The following CNTNAP2 variants were observed in gnomAD, a reference collection of about 807,000 sequenced individuals.
CNTNAP2 encodes contactin associated protein 2.
In CNTNAP2, 98 loss-of-function variants were observed where a neutral mutation model predicts 155.2. The ratio of observed to expected loss-of-function variants is 0.63; its 90% CI spans 0.54 to 0.75. The LOEUF (loss-of-function observed/expected upper bound fraction) is 0.75, where lower values mean the gene tolerates loss of function less well. CNTNAP2 is among the 30% of genes least tolerant of loss of function. The probability of loss-of-function intolerance (pLI) is 0.00; values close to 1 mark genes in which losing one functional copy is unlikely to be tolerated. For synonymous variants in CNTNAP2, 651 were observed against 631.2 expected (o/e 1.03, Z -0.47); for missense variants, 1,727 against 1,688.1 (o/e 1.02, Z -0.40).
At chr7:148,187,707 T>C (rs1349300717) in intron 18 of CNTNAP2, among the ~76,000 whole-genome samples, 1 of 152,200 alleles carries the variant, frequency 6.6e-6, no homozygotes, top group Non-Finnish European at 1.5e-5. Context: ...CCGCTCAAGC[T>C]ACTGCATTAC....
At chr7:148,068,267 GTTCCACT>G in intron 15 of CNTNAP2, among the ~76,000 whole-genome samples, 1 of 152,190 alleles carries the variant, frequency 6.6e-6, no homozygotes, top group East Asian at 1.9e-4. Flanking sequence ...TCTTTCCCCA[GTTCCACT>G]GGCAGCCCTC....
chr7:146,959,713 C>CAAAAAAAAAA (rs1176908836), intron 3 of CNTNAP2, among the ~76,000 whole-genome samples: 7 of 90,396 alleles, frequency 7.7e-5, no homozygotes, highest in African/African-American at 1.6e-4. Context: ...CAGCGAGTCT[C>CAAAAAAAAAA]AAAAAAAAAA....
intron 13 of CNTNAP2, among the ~76,000 whole-genome samples, chr7:147,653,964 T>G (rs557743344): frequency 2.6e-5 from 4 of 152,320 alleles, no homozygotes; most frequent in Admixed American, 1.3e-4. Flanking sequence ...TTATGAGACG[T>G]TGAAGTATAC....
At chr7:148,236,115 G>T (rs910500423) in intron 20 of CNTNAP2, among the ~76,000 whole-genome samples, 1 of 152,118 alleles carries the variant, frequency 6.6e-6, no homozygotes, top group African/African-American at 2.4e-5. Flanking sequence ...ACCCAAGGTG[G>T]CTTCTGATCA....
intron 1 of CNTNAP2, among the ~76,000 whole-genome samples, chr7:146,286,482 G>A (rs1397299297): frequency 2.6e-5 from 4 of 151,826 alleles, no homozygotes; most frequent in African/African-American, 9.7e-5. Flanking sequence ...TTTTTTTGTT[G>A]TCTTTAGAGC....
intron 1 of CNTNAP2, among the ~76,000 whole-genome samples, chr7:146,132,027 CTTTCTT>C (rs1797721899): frequency 1.3e-5 from 2 of 152,152 alleles, no homozygotes; most frequent in African/African-American, 4.8e-5. Flanking sequence ...GTCAATTAAA[CTTTCTT>C]TGTTTATAAA....
intron 9 of CNTNAP2, among the ~76,000 whole-genome samples, chr7:147,376,564 T>C (rs540782046): frequency 6.6e-6 from 1 of 152,158 alleles, no homozygotes; most frequent in East Asian, 1.9e-4. Context: ...GCCTTTTTCC[T>C]TGTGTTGTCT....
intron 20 of CNTNAP2, among the ~76,000 whole-genome samples, chr7:148,261,673 GC>G (rs1485241781): frequency 6.6e-6 from 1 of 152,294 alleles, no homozygotes; most frequent in East Asian, 1.9e-4. Context: ...AGGTGGGGGA[GC>G]AGGCAATAGC....
intron 3 of CNTNAP2, among the ~76,000 whole-genome samples, chr7:146,974,860 A>G (rs1344311279): frequency 1.3e-5 from 2 of 151,916 alleles, no homozygotes; most frequent in Admixed American, 6.6e-5. Context: ...TTAGCCAGGT[A>G]TGGTAGCAGA....
At chr7:146,555,492 G>A (rs1006176912) in intron 1 of CNTNAP2, among the ~76,000 whole-genome samples, 19 of 84,668 alleles carry the variant, frequency 2.2e-4, no homozygotes, top group African/African-American at 1.0e-3. Flanking sequence ...TGTATCATCT[G>A]TCTGTCTATC....
chr7:147,625,937 G>A (rs1483236396), intron 12 of CNTNAP2, among the ~76,000 whole-genome samples: 1 of 152,192 alleles, frequency 6.6e-6, no homozygotes, highest in Non-Finnish European at 1.5e-5. Flanking sequence ...TCCTGGAGTT[G>A]AAATGGATTT....
At chr7:147,492,861 C>T (rs1347487175) in intron 11 of CNTNAP2, among the ~76,000 whole-genome samples, 1 of 152,120 alleles carries the variant, frequency 6.6e-6, no homozygotes, top group Non-Finnish European at 1.5e-5. Flanking sequence ...ATCTCTCCGC[C>T]CCCGCTCCTC....
At chr7:147,703,185 A>C (rs1796262258) in intron 13 of CNTNAP2, among the ~76,000 whole-genome samples, 1 of 152,146 alleles carries the variant, frequency 6.6e-6, no homozygotes, top group Non-Finnish European at 1.5e-5. Context: ...CATCGAGAGA[A>C]GACGATTTGC....
chr7:147,363,755 CA>C (rs140846444), intron 9 of CNTNAP2, among the ~76,000 whole-genome samples: 2 of 151,986 alleles, frequency 1.3e-5, no homozygotes, highest in African/African-American at 4.8e-5. Flanking sequence ...GGGAAATATA[CA>C]AAAAAAGTAA....
At chr7:147,519,425 C>T (rs1799191961) in intron 11 of CNTNAP2, among the ~76,000 whole-genome samples, 2 of 152,192 alleles carry the variant, frequency 1.3e-5, no homozygotes, top group Admixed American at 1.3e-4. Context: ...ACCTCAAGAT[C>T]CTTAACCTAA....
intron 13 of CNTNAP2, among the ~76,000 whole-genome samples, chr7:147,849,610 T>C (rs1798886397): frequency 6.6e-6 from 1 of 152,208 alleles, no homozygotes; most frequent in Non-Finnish European, 1.5e-5. Context: ...ATTTGTACAG[T>C]AGAAACATGC....
At chr7:146,202,671 A>G (rs1798883795) in intron 1 of CNTNAP2, among the ~76,000 whole-genome samples, 1 of 152,178 alleles carries the variant, frequency 6.6e-6, no homozygotes, top group Admixed American at 6.5e-5. Context: ...TACTAGATAC[A>G]CTGTTATGTA....
At chr7:148,018,257 G>A (rs1051860906) in intron 15 of CNTNAP2, among the ~76,000 whole-genome samples, 9 of 152,172 alleles carry the variant, frequency 5.9e-5, no homozygotes, top group African/African-American at 1.9e-4. Context: ...TTCATCCCAG[G>A]TGGTTTATGG....
At chr7:147,472,622 G>A (rs910762240) in intron 10 of CNTNAP2, among the ~76,000 whole-genome samples, 2 of 152,168 alleles carry the variant, frequency 1.3e-5, no homozygotes, top group African/African-American at 4.8e-5. Context: ...TCAAGAAGCT[G>A]CAAAATGGGG....
Sources: allele counts gnomAD v4.1 joint callset (sites outside exome capture counted in the v4.1 genomes callset), GRCh38; gene constraint gnomAD v4.1.1; transcripts MANE v1.5; gene names NCBI Gene and HGNC (gene_info 2026-07-23, HGNC 2026-07-21).